The following NALF1 variants were observed in gnomAD, a reference collection of about 807,000 sequenced individuals.
NALF1 encodes the protein NALCN channel auxiliary factor 1.
A neutral mutation model predicts 48.4 loss-of-function variants in NALF1; 3 were observed. The observed-to-expected ratio is 0.06, with a 90% confidence interval of 0.03 to 0.16. The LOEUF is 0.16. Ranked by LOEUF, NALF1 falls within the 10% of genes least tolerant of loss-of-function variation. The pLI, the probability that NALF1 is intolerant of heterozygous loss-of-function variation, is 1.00. For synonymous variants in NALF1, 262 were observed against 245.7 expected (o/e 1.07, Z -0.62); for missense variants, 526 against 571.5 (o/e 0.92, Z 0.81).
intron 1 of NALF1, among the ~76,000 whole-genome samples, chr13:107,605,069 G>T (rs964411412): frequency 6.6e-6 from 1 of 152,156 alleles, no homozygotes. Context: ...CCAGGGCGCA[G>T]AACAATTGAC....
chr13:107,752,042 T>C (rs1472978155), intron 1 of NALF1, among the ~76,000 whole-genome samples: 1 of 151,976 alleles, frequency 6.6e-6, no homozygotes, highest in Non-Finnish European at 1.5e-5. Flanking sequence ...CATTAATATA[T>C]GGGGGAATGA....
chr13:107,213,658 G>A (rs1007327197), intron 1 of NALF1, among the ~76,000 whole-genome samples: 1 of 151,260 alleles, frequency 6.6e-6, no homozygotes, highest in Admixed American at 6.6e-5. Context: ...GTGTAGATGT[G>A]TTTACAATAA....
chr13:107,224,744 C>T (rs998728802), intron 1 of NALF1, among the ~76,000 whole-genome samples: 2 of 151,978 alleles, frequency 1.3e-5, no homozygotes, highest in Non-Finnish European at 2.9e-5. Flanking sequence ...TGGCTTAGTA[C>T]TGATTGTGAT....
intron 1 of NALF1, among the ~76,000 whole-genome samples, chr13:107,501,115 TA>T (rs1234581402): frequency 1.3e-5 from 2 of 151,048 alleles, no homozygotes; most frequent in African/African-American, 4.9e-5. Context: ...TAATAAAATT[TA>T]AAAAAAAAGA....
chr13:107,720,154 C>G (rs1266408577), intron 1 of NALF1, among the ~76,000 whole-genome samples: 5 of 152,194 alleles, frequency 3.3e-5, no homozygotes, highest in Non-Finnish European at 7.3e-5. Context: ...ACTCATTAAA[C>G]ATGTACATGA....
intron 1 of NALF1, among the ~76,000 whole-genome samples, chr13:107,487,040 C>T (rs559809125): frequency 3.3e-5 from 5 of 152,188 alleles, no homozygotes; most frequent in East Asian, 1.9e-4. Flanking sequence ...GTTATAGACA[C>T]GAATTCCTCC....
intron 1 of NALF1, among the ~76,000 whole-genome samples, chr13:107,792,807 TTTTGTTTG>T (rs143475544): frequency 2.0e-5 from 3 of 151,892 alleles, no homozygotes; most frequent in Non-Finnish European, 2.9e-5. Flanking sequence ...TTTTTAATCA[TTTTGTTTG>T]TTTGTTTGTT....
At chr13:107,676,607 A>AT (rs549307035) in intron 1 of NALF1, among the ~76,000 whole-genome samples, 53 of 40,392 alleles carry the variant, frequency 1.3e-3, no homozygotes, top group African/African-American at 6.2e-3. Context: ...ATTTAATTTA[A>AT]TTAATTTAAT....
chr13:107,422,582 C>T (rs997154340), intron 1 of NALF1, among the ~76,000 whole-genome samples: 2 of 152,088 alleles, frequency 1.3e-5, no homozygotes, highest in African/African-American at 4.8e-5. Context: ...GTCTTTACTG[C>T]ATAATGATGG....
At chr13:107,760,947 G>C (rs759432378) in intron 1 of NALF1, among the ~76,000 whole-genome samples, 1 of 152,210 alleles carries the variant, frequency 6.6e-6, no homozygotes, top group Non-Finnish European at 1.5e-5. Flanking sequence ...TTCATTCAAA[G>C]CATGAAGTAC....
intron 1 of NALF1, among the ~76,000 whole-genome samples, chr13:107,465,831 C>T (rs1419372478): frequency 1.3e-4 from 20 of 152,178 alleles, no homozygotes; most frequent in Admixed American, 1.3e-3. Context: ...TAGATGGCCC[C>T]TTTTAGCTGT....
At position 107,470,149 on chromosome 13, in the gene NALF1, C is replaced by T. The variant is rs565898996; in HGVS notation, c.916-259394G>A. On this transcript the variant is annotated intron_variant, in intron 1 of 2. Transcript: ENST00000375915. ...TAATTGTCAAAAAAATTTAAAAATGCTAGAATAATAAAATCTTGTCTGGAA... is the reference window on the plus strand; with the variant it reads ...TAATTGTCAAAAAAATTTAAAAATGTTAGAATAATAAAATCTTGTCTGGAA... Among the ~76,000 whole-genome samples the T allele has an allele frequency of 2.0e-5, 3 of 152,102 alleles. No individual in the cohort carries two copies. The East Asian group carries it at 5.8e-4, about 29-fold the overall frequency.
At chr13:107,308,564 A>G (rs1470383211) in intron 1 of NALF1, among the ~76,000 whole-genome samples, 1 of 152,204 alleles carries the variant, frequency 6.6e-6, no homozygotes, top group African/African-American at 2.4e-5. Flanking sequence ...AAATTGAGAA[A>G]TATTGCTAAC....
chr13:107,299,476 A>AAATT (rs1566478545), intron 1 of NALF1, among the ~76,000 whole-genome samples: 41 of 134,816 alleles, frequency 3.0e-4, no homozygotes, highest in African/African-American at 9.9e-4. Context: ...AATAATAAAT[A>AAATT]AATAAATAAA....
At chr13:107,603,114 A>G (rs192543046) in intron 1 of NALF1, among the ~76,000 whole-genome samples, 189 of 152,352 alleles carry the variant, frequency 1.2e-3, no homozygotes, top group Non-Finnish European at 2.3e-3. Flanking sequence ...AAGCAATGCT[A>G]AAATTAACAA....
intron 1 of NALF1, among the ~76,000 whole-genome samples, chr13:107,578,016 T>C (rs908979026): frequency 1.3e-5 from 2 of 152,168 alleles, no homozygotes; most frequent in Admixed American, 6.5e-5. Context: ...GTATCTCCTG[T>C]GGGGTTTCAC....
At position 107,210,602 on chromosome 13, in the gene NALF1, A is replaced by G; in HGVS notation, c.1069T>C (p.Ser357Pro). The G allele has an allele frequency of 6.2e-7, 1 of 1,613,178 alleles. No homozygotes were observed. Among genetic ancestry groups the G allele is most frequent in the East Asian group, 2.2e-5 (1 of 44,876 alleles). Residue 357 changes from serine (S) to proline (P), a missense_variant, in exon 2 of 3, where the codon TCC becomes CCC. Around this residue, in one of 2 missense-constraint regions of NALF1, gnomAD observed 153 missense variants for 215.9 expected, o/e 0.71. Coordinates refer to ENST00000375915, the MANE Select transcript of NALF1 (RefSeq NM_001080396.3). ...DNDEVIYGGL[S>P]SFICTGLYET... ...ACTGTACCTGTACAGATGAAACTGG[A>G]GAGGCCTCCGTAGATGACTTCATCA...
chr13:107,388,256 T>C (rs561578666), intron 1 of NALF1, among the ~76,000 whole-genome samples: 88 of 152,336 alleles, frequency 5.8e-4, no homozygotes, highest in Admixed American at 1.1e-3. Context: ...AGAAAAGCTA[T>C]CAAGTATTTG....
intron 1 of NALF1, among the ~76,000 whole-genome samples, chr13:107,264,180 T>C (rs1338195862): frequency 6.6e-6 from 1 of 152,258 alleles, no homozygotes; most frequent in Non-Finnish European, 1.5e-5. Context: ...ATAGAATCTT[T>C]TCAATTGTGG....
Sources: allele counts gnomAD v4.1 joint callset (sites outside exome capture counted in the v4.1 genomes callset), GRCh38; gene constraint gnomAD v4.1.1; regional missense constraint gnomAD v4.1.1; transcripts MANE v1.5; gene names NCBI Gene and HGNC (gene_info 2026-07-23, HGNC 2026-07-21).